Variants in PCDHGA1 observed in about 807,000 individuals in gnomAD.
PCDHGA1 encodes protocadherin gamma-A1.
Under a neutral mutation model 58.0 loss-of-function variants are expected in PCDHGA1, and 32 were observed. That is an observed-to-expected ratio of 0.55 (90% CI 0.42 to 0.74). The LOEUF (loss-of-function observed/expected upper bound fraction) is 0.74. Ranked by LOEUF, PCDHGA1 falls within the 30% of genes least tolerant of loss-of-function variation. The probability of loss-of-function intolerance (pLI) is 0.00; values close to 1 mark genes in which losing one functional copy is unlikely to be tolerated. For missense variants in PCDHGA1, 1,205 were observed against 1,182.3 expected, an observed-to-expected ratio of 1.02 and a Z score of -0.28; for synonymous variants, 498 against 501.1, an observed-to-expected ratio of 0.99 and a Z score of 0.08.
intron 1 of PCDHGA1, chr5:141,404,242 G>T (rs372976589): frequency 1.2e-6 from 2 of 1,613,462 alleles, no homozygotes; most frequent in Non-Finnish European, 1.7e-6. Flanking sequence ...GAGGAACTCC[G>T]CCCCTGTCCA....
chr5:141,392,894 G>A (rs1327938971), intron 1 of PCDHGA1: 14 of 1,613,802 alleles, frequency 8.7e-6, no homozygotes, highest in Non-Finnish European at 1.2e-5. Flanking sequence ...GGGAAATCGG[G>A]AGGGGACAGA....
In PCDHGA1 at chr5:141,345,852, C is replaced by T. The variant is rs778125915; in HGVS notation, c.2421+12747C>T. ...GGGCCAGAACGCCTGGCTGTCCTACCGCCTGCTCAAGGCCAGCGAGCCGGG... is the reference window on the plus strand; with the variant it reads ...GGGCCAGAACGCCTGGCTGTCCTACTGCCTGCTCAAGGCCAGCGAGCCGGG... On this transcript the variant is annotated intron_variant, in intron 1 of 3. Transcript: ENST00000517417. 47 of 1,613,350 alleles carry T rather than the reference C, an allele frequency of 2.9e-5. 2 individuals are homozygous for T. Among genetic ancestry groups the T allele is most frequent in the South Asian group, 6.6e-5 (6 of 91,036 alleles).
At chr5:141,461,281 C>T (rs1305044383) in intron 1 of PCDHGA1, among the ~76,000 whole-genome samples, 1 of 152,050 alleles carries the variant, frequency 6.6e-6, no homozygotes, top group Non-Finnish European at 1.5e-5. Flanking sequence ...CTCTTTTCCC[C>T]ACATCCACAC....
chr5:141,331,976 C>A lies in PCDHGA1; in HGVS notation c.1292C>A (p.Ala431Asp). ...ACAGCAATAGACCAAGGAACTCCAG[C>A]TCTATCTACTGAAACTCACATTTCA... ...TITAIDQGTPALSTETHISLL... is the reference protein window; with the variant it reads ...TITAIDQGTPDLSTETHISLL... The change falls in exon 1 of 4, where the codon GCT (alanine) becomes GAT (aspartate). Residue 431 changes from alanine (A) to aspartate (D), a missense_variant. Physicochemically the swap from Ala to Asp is moderately radical, Grantham distance 126 (BLOSUM62 -2). Transcript: ENST00000517417. The A allele has an allele frequency of 6.2e-7, 1 of 1,614,128 alleles. No individual in the cohort carries two copies. Among genetic ancestry groups the A allele is most frequent in the East Asian group, 2.2e-5 (1 of 44,880 alleles).
intron 1 of PCDHGA1, chr5:141,389,566 T>G: frequency 6.2e-7 from 1 of 1,613,278 alleles, no homozygotes; most frequent in Non-Finnish European, 8.5e-7. Context: ...CCACGGGTGC[T>G]GTACCCCGCG....
chr5:141,476,317 G>T lies in PCDHGA1; in HGVS notation c.2422-18490G>T, dbSNP rs759809060. ...GTAGCCTCTCAGCCCGCAGGTTCCG[G>T]GTGGTGTCTGGAGCTAGCCGAAGAT... On this transcript the variant is annotated intron_variant, in intron 1 of 3. Transcript: ENST00000517417. This position sits in a 1 kb window ranked among gnomAD's most constrained non-coding sequence, Gnocchi z 7.6. 1.9e-6 allele frequency: 3 copies of T among 1,614,170 alleles called. No individual in the cohort carries two copies. The highest frequency in any genetic ancestry group is 1.7e-5 in the Admixed American group (1 of 60,024).
At chr5:141,361,775 G>A (rs1435917865) in intron 1 of PCDHGA1, 1 of 1,613,226 alleles carries the variant, frequency 6.2e-7, no homozygotes, top group South Asian at 1.1e-5. Context: ...GCCAACGTGA[G>A]CCTGCGCGTG....
At chr5:141,392,751 A>T in intron 1 of PCDHGA1, 1 of 1,453,336 alleles carries the variant, frequency 6.9e-7, no homozygotes, top group South Asian at 1.5e-5. Flanking sequence ...CTGCGGCAAG[A>T]AACTAAATAA....
rs759346998 is a variant in PCDHGA1, at chr5:141,410,849, CTTTTTTTTTT to C, written c.2421+77757_2421+77766del. Reference sequence around the variant, plus strand: ...CAGACTGAAGATATTTTGTCTTTGTCTTTTTTTTTTTTTTTTTTTTTTGAGATGGAGTCTC... The same window carrying C: ...CAGACTGAAGATATTTTGTCTTTGTCTTTTTTTTTTTTGAGATGGAGTCTC... On this transcript the variant is annotated intron_variant, in intron 1 of 3. Coordinates refer to ENST00000517417, the MANE Select transcript of PCDHGA1 (RefSeq NM_018912.3). 8 of 138,182 alleles carry C rather than the reference CTTTTTTTTTT, an allele frequency of 5.8e-5. 2 individuals are homozygous for C. The highest frequency in any genetic ancestry group is 7.3e-5 in the Non-Finnish European group (6 of 82,424). 8.6% of individuals were successfully genotyped at this position (138,182 alleles called of 1,614,324 possible). A position where few individuals can be genotyped will look rare whatever the true frequency, so the allele number is the denominator to read the frequency against.
At chr5:141,506,240 G>A (rs918820495) in intron 3 of PCDHGA1, among the ~76,000 whole-genome samples, 8 of 152,184 alleles carry the variant, frequency 5.3e-5, no homozygotes, top group Middle Eastern at 3.4e-3. Flanking sequence ...CATGAGGTCA[G>A]GAGTTCGAAA....
At chr5:141,478,936 G>A in intron 1 of PCDHGA1, 1 of 633,220 alleles carries the variant, frequency 1.6e-6, no homozygotes, top group African/African-American at 1.9e-5. Context: ...GCAGCTTCTA[G>A]GAATACAAAA....
intron 1 of PCDHGA1, chr5:141,366,217 G>A: frequency 1.9e-6 from 3 of 1,613,788 alleles, no homozygotes; most frequent in South Asian, 2.2e-5. Context: ...TGCGCACAGC[G>A]CGAGCCCTGC....
At chr5:141,372,631 G>C (rs1768931705) in intron 1 of PCDHGA1, 1 of 1,613,884 alleles carries the variant, frequency 6.2e-7, no homozygotes, top group Non-Finnish European at 8.5e-7. Context: ...TACAGCGAAA[G>C]GACTTTGCCT....
chr5:141,389,581 G>C, intron 1 of PCDHGA1: 1 of 1,613,202 alleles, frequency 6.2e-7, no homozygotes, highest in East Asian at 2.2e-5. Context: ...CCCGCGCTGG[G>C]TCCCGACGGC....
At chr5:141,413,867 T>TTG in intron 1 of PCDHGA1, 1 of 1,613,428 alleles carries the variant, frequency 6.2e-7, no homozygotes, top group Non-Finnish European at 8.5e-7. Flanking sequence ...GGCACTGTCC[T>TTG]TGTCAGTGTG....
At chr5:141,392,903 G>A in intron 1 of PCDHGA1, 1 of 1,613,884 alleles carries the variant, frequency 6.2e-7, no homozygotes, top group South Asian at 1.1e-5. Flanking sequence ...GGAGGGGACA[G>A]ATTCGCTACT....
At chr5:141,424,772 G>A (rs2096839878) in intron 1 of PCDHGA1, 1 of 152,086 alleles carries the variant, frequency 6.6e-6, no homozygotes, top group Non-Finnish European at 1.5e-5. Flanking sequence ...ATGGCAAATA[G>A]TACATTCAGT....
In PCDHGA1 at chr5:141,486,752, C is replaced by G. The variant is rs776406247; in HGVS notation, c.2422-8055C>G. On this transcript the variant is annotated intron_variant, in intron 1 of 3. Transcript: ENST00000517417. The surrounding 1 kb of genome is among the most constrained non-coding windows in gnomAD (Gnocchi z 5.0). ...TGCTACTCGATCCTTTGACTATGAG[C>G]AAACCCAGACACTGCAGTTTGAGGT... 6.2e-7 allele frequency: 1 copy of G among 1,614,244 alleles called. No individual in the cohort carries two copies. The highest frequency in any genetic ancestry group is 1.3e-5 in the African/African-American group (1 of 75,080).
intron 1 of PCDHGA1, among the ~76,000 whole-genome samples, chr5:141,438,585 TACATAC>T (rs201018754): frequency 0.16 from 9,805 of 59,734 alleles, 612 homozygotes; most frequent in African/African-American, 0.28. Context: ...CATACATACA[TACATAC>T]ATATATATAT....
Sources: allele counts gnomAD v4.1 joint callset (sites outside exome capture counted in the v4.1 genomes callset), GRCh38; gene constraint gnomAD v4.1.1; non-coding constraint Gnocchi (gnomAD v3.1); transcripts MANE v1.5; gene names NCBI Gene and HGNC (gene_info 2026-07-23, HGNC 2026-07-21).